The following NBAS variants were observed in gnomAD, a reference collection of about 807,000 sequenced individuals.
NBAS encodes the protein NBAS subunit of NRZ tethering complex.
In NBAS, 219 loss-of-function variants were observed where a neutral mutation model predicts 302.5. The observed-to-expected ratio is 0.72, with a 90% CI of 0.65 to 0.81. NBAS has a LOEUF of 0.81. Among genes scored for constraint, NBAS ranks in the 30% least tolerant of loss-of-function variants. The pLI, the probability that NBAS is intolerant of heterozygous loss-of-function variation, is 0.00. For synonymous variants in NBAS, 1,118 were observed against 1,021.6 expected (o/e 1.09, Z -1.80); for missense variants, 2,932 against 2,841.6 (o/e 1.03, Z -0.72).
the NBAS span, among the ~76,000 whole-genome samples, chr2:14,884,986 G>A: frequency 1.3e-5 from 2 of 152,192 alleles, no homozygotes; most frequent in Non-Finnish European, 2.9e-5. Flanking sequence ...CAAAGGGAGA[G>A]AGAACACACA....
At chr2:15,556,250 A>G (rs79560398) in intron 3 of NBAS, among the ~76,000 whole-genome samples, 5,953 of 152,234 alleles carry the variant, frequency 0.039, 359 homozygotes, top group African/African-American at 0.13. Context: ...ATTCTATAAA[A>G]CAATTCCTAC....
At chr2:15,152,125 C>T in the NBAS span, among the ~76,000 whole-genome samples, 2 of 152,212 alleles carry the variant, frequency 1.3e-5, no homozygotes, top group African/African-American at 4.8e-5. Flanking sequence ...GCTGGGATTA[C>T]AGGCATGAGC....
the NBAS span, among the ~76,000 whole-genome samples, chr2:15,147,699 C>T: frequency 5.3e-5 from 8 of 152,094 alleles, no homozygotes; most frequent in African/African-American, 1.7e-4. Flanking sequence ...GGCAATTGCC[C>T]CCTTTCTGCT....
the NBAS span, among the ~76,000 whole-genome samples, chr2:15,062,843 A>C: frequency 6.6e-6 from 1 of 152,194 alleles, no homozygotes; most frequent in Non-Finnish European, 1.5e-5. Flanking sequence ...GGCAGAAGGA[A>C]ACTAAGCAGT....
chr2:14,859,505 T>C, the NBAS span, among the ~76,000 whole-genome samples: 3 of 151,814 alleles, frequency 2.0e-5, no homozygotes, highest in African/African-American at 4.8e-5. Flanking sequence ...CATGGATCAA[T>C]GGAAAAAATA....
the NBAS span, among the ~76,000 whole-genome samples, chr2:15,098,657 ATAT>A: frequency 8.0e-6 from 1 of 125,290 alleles, no homozygotes; most frequent in Non-Finnish European, 1.5e-5. Flanking sequence ...TGTATATAAT[ATAT>A]TATATACATT....
At chr2:15,363,672 T>C (rs1424038389) in intron 32 of NBAS, among the ~76,000 whole-genome samples, 1 of 152,228 alleles carries the variant, frequency 6.6e-6, no homozygotes, top group Non-Finnish European at 1.5e-5. Flanking sequence ...GGAACTGAGA[T>C]AAGTATTAAA....
the NBAS span, among the ~76,000 whole-genome samples, chr2:15,033,560 G>T: frequency 6.6e-6 from 1 of 152,158 alleles, no homozygotes; most frequent in South Asian, 2.1e-4. Context: ...CCAAAAAAAT[G>T]CATATGTTGA....
chr2:14,951,968 G>A, the NBAS span, among the ~76,000 whole-genome samples: 3 of 152,204 alleles, frequency 2.0e-5, no homozygotes, highest in African/African-American at 7.2e-5. Flanking sequence ...GGTGGAAACT[G>A]TCTTCATTTC....
chr2:15,556,836 TG>T lies in NBAS; in HGVS notation c.173-18del, dbSNP rs1165490148. 32 of 1,600,508 alleles carry T rather than the reference TG, an allele frequency of 2.0e-5. No individual in the cohort carries two copies. The highest frequency in any genetic ancestry group is 2.7e-5 in the Non-Finnish European group (32 of 1,168,210). Reference sequence around the variant, plus strand: ...ATAAACGATCTGTAATCAAAAGAAATGGCAAAGCCAAATATAAATCAGCTGT... The same window carrying T: ...ATAAACGATCTGTAATCAAAAGAAATGCAAAGCCAAATATAAATCAGCTGT... On this transcript the variant is annotated intron_variant, in intron 2 of 51. Coordinates refer to ENST00000281513, the MANE Select transcript of NBAS (RefSeq NM_015909.4).
chr2:15,038,471 T>C, the NBAS span, among the ~76,000 whole-genome samples: 8 of 152,150 alleles, frequency 5.3e-5, no homozygotes, highest in Non-Finnish European at 1.2e-4. Context: ...GAACCAAACA[T>C]CTCACTTCGG....
intron 11 of NBAS, among the ~76,000 whole-genome samples, chr2:15,502,949 T>TA (rs1299810868): frequency 6.6e-6 from 1 of 152,240 alleles, no homozygotes; most frequent in Non-Finnish European, 1.5e-5. Flanking sequence ...ACATCTGTAT[T>TA]AAAAAAATTT....
At chr2:15,375,127 G>A (rs1674674200) in intron 30 of NBAS, among the ~76,000 whole-genome samples, 1 of 152,186 alleles carries the variant, frequency 6.6e-6, no homozygotes, top group South Asian at 2.1e-4. Flanking sequence ...AAACAGAAAT[G>A]TCTTGATTTG....
intron 40 of NBAS, among the ~76,000 whole-genome samples, chr2:15,296,315 GA>G (rs1670544939): frequency 6.6e-6 from 1 of 152,162 alleles, no homozygotes; most frequent in African/African-American, 2.4e-5. Context: ...GAGGCAGGTG[GA>G]CCCCTTGAGG....
intron 10 of NBAS, among the ~76,000 whole-genome samples, chr2:15,505,902 G>A (rs1056779279): frequency 9.9e-5 from 15 of 151,818 alleles, no homozygotes; most frequent in African/African-American, 3.6e-4. Flanking sequence ...TGGACAAGAA[G>A]AGTGAAAAAG....
At chr2:15,276,799 C>A (rs894322201) in intron 43 of NBAS, 52 bp downstream of exon 43, 1 of 1,612,366 alleles carries the variant, frequency 6.2e-7, no homozygotes, top group South Asian at 1.1e-5. Flanking sequence ...GAAAATTAAT[C>A]CCCAGATTTA....
At chr2:15,501,609 A>AGACGGAGTCTCG (rs1558394080) in intron 11 of NBAS, among the ~76,000 whole-genome samples, 2 of 31,914 alleles carry the variant, frequency 6.3e-5, no homozygotes, top group Non-Finnish European at 2.0e-4. Flanking sequence ...TTTTTTTTTG[A>AGACGGAGTCTCG]GACGGAGTCT....
the NBAS span, among the ~76,000 whole-genome samples, chr2:15,009,304 G>T: frequency 1.3e-5 from 2 of 151,868 alleles, no homozygotes; most frequent in Non-Finnish European, 2.9e-5. Flanking sequence ...CTCATACACT[G>T]ACAAATAAGA....
rs1667185156 is a variant in NBAS, at chr2:15,227,239, AAAGC to A, written c.6236+5179_6236+5182del. ...ATAGCAAACAATCTGAAGAAGAAAGAAAGCAATTTCATTTACAAGTCAGCTGTGA... is the reference window on the plus strand; with the variant it reads ...ATAGCAAACAATCTGAAGAAGAAAGAAATTTCATTTACAAGTCAGCTGTGA... On this transcript the variant is annotated intron_variant, in intron 47 of 51. Transcript: ENST00000281513. 1.3e-4 allele frequency among the ~76,000 whole-genome samples: 20 copies of A among 152,312 alleles called. No individual in the cohort carries two copies. In the South Asian group the frequency reaches 4.1e-3, roughly 32 times the overall value.
Sources: gnomAD v4.1 joint callset for allele counts (sites outside exome capture counted in the v4.1 genomes callset) on GRCh38, gnomAD v4.1.1 for gene constraint, MANE v1.5 for transcripts, NCBI Gene and HGNC (gene_info 2026-07-23, HGNC 2026-07-21) for gene names.